The following NAV3 variants were observed in gnomAD, a reference collection of about 807,000 sequenced individuals.
The protein encoded by NAV3 is neuron navigator 3.
Under a neutral mutation model 244.7 loss-of-function variants are expected in NAV3, and 87 were observed. The ratio of observed to expected loss-of-function variants is 0.36; its 90% confidence interval spans 0.30 to 0.42. NAV3 has a LOEUF of 0.42. NAV3 is among the 20% of genes least tolerant of loss of function. The pLI, the probability that NAV3 is intolerant of heterozygous loss-of-function variation, is 1.00. For missense variants in NAV3, 2,663 were observed against 2,893.3 expected (o/e 0.92, Z 1.83); for synonymous variants, 1,126 against 1,042.2 (o/e 1.08, Z -1.55).
At chr12:77,770,853 G>A (rs1042200883) in intron 2 of NAV3, among the ~76,000 whole-genome samples, 5 of 152,120 alleles carry the variant, frequency 3.3e-5, no homozygotes, top group African/African-American at 1.2e-4. Flanking sequence ...ATAAGCATGG[G>A]CAAGGACTTC....
At chr12:77,815,285 G>T (rs1258543725) in intron 2 of NAV3, among the ~76,000 whole-genome samples, 1 of 152,274 alleles carries the variant, frequency 6.6e-6, no homozygotes, top group East Asian at 1.9e-4. Context: ...TGAAGCACAT[G>T]AGGGTCTGTC....
intron 5 of NAV3, among the ~76,000 whole-genome samples, chr12:77,972,063 A>G (rs1593160001): frequency 6.6e-6 from 1 of 152,218 alleles, no homozygotes; most frequent in East Asian, 1.9e-4. Context: ...AAAAAATAAA[A>G]CATGGACCAA....
chr12:77,803,735 C>T (rs145679885), intron 2 of NAV3, among the ~76,000 whole-genome samples: 3,419 of 152,248 alleles, frequency 0.022, 63 homozygotes, highest in Middle Eastern at 0.044. Context: ...CTAATTTACA[C>T]TCCCACCAAC....
intron 1 of NAV3, among the ~76,000 whole-genome samples, chr12:77,836,389 T>G (rs1592738379): frequency 6.6e-6 from 1 of 152,220 alleles, no homozygotes; most frequent in Non-Finnish European, 1.5e-5. Flanking sequence ...TTGGGCTCAC[T>G]CATTCCTTCC....
In NAV3 at chr12:77,978,099, T is replaced by C. The variant is rs565696774; in HGVS notation, c.671+9397T>C. Reference sequence around the variant, plus strand: ...AATCAGTTAAACTTGATTTTCTAGGTATAAAATAAAAACGTCATAATTGTC... The same window carrying C: ...AATCAGTTAAACTTGATTTTCTAGGCATAAAATAAAAACGTCATAATTGTC... On this transcript the variant is annotated intron_variant, in intron 5 of 39. Transcript: ENST00000397909. 2.3e-3 allele frequency among the ~76,000 whole-genome samples: 348 copies of C among 152,276 alleles called. 1 individual carries two copies. The highest frequency in any genetic ancestry group is 5.2e-3 in the South Asian group (25 of 4,830).
At chr12:77,588,641 G>T (rs1403762273) in intron 2 of NAV3, among the ~76,000 whole-genome samples, 3 of 152,018 alleles carry the variant, frequency 2.0e-5, no homozygotes, top group Non-Finnish European at 2.9e-5. Context: ...CCTAGCCTAG[G>T]GCCTAGTGCA....
chr12:77,766,442 A>G (rs927592577), intron 2 of NAV3, among the ~76,000 whole-genome samples: 4 of 152,198 alleles, frequency 2.6e-5, no homozygotes, highest in African/African-American at 9.7e-5. Flanking sequence ...TGGCTGGCCA[A>G]TTTTATTTCC....
intron 8 of NAV3, among the ~76,000 whole-genome samples, chr12:78,020,711 T>G (rs1877008947): frequency 6.6e-6 from 1 of 152,106 alleles, no homozygotes; most frequent in African/African-American, 2.4e-5. Context: ...AAATTTAGAT[T>G]AAAAGCAAAA....
intron 2 of NAV3, among the ~76,000 whole-genome samples, chr12:77,590,594 C>T (rs183216653): frequency 6.6e-6 from 1 of 152,190 alleles, no homozygotes; most frequent in East Asian, 1.9e-4. Context: ...TGAAGTAATC[C>T]GTACAACAAA....
intron 2 of NAV3, among the ~76,000 whole-genome samples, chr12:77,761,867 G>A (rs1438978146): frequency 2.0e-5 from 3 of 152,212 alleles, no homozygotes; most frequent in African/African-American, 7.2e-5. Context: ...AAGACAGGAT[G>A]GTGATTCCTC....
intron 2 of NAV3, among the ~76,000 whole-genome samples, chr12:77,576,187 T>C (rs779043491): frequency 2.0e-5 from 3 of 152,192 alleles, no homozygotes; most frequent in Admixed American, 6.5e-5. Context: ...GTGTTTGAGA[T>C]GTGAAGAGTT....
At chr12:77,956,942 C>A (rs1891421372) in intron 3 of NAV3, among the ~76,000 whole-genome samples, 1 of 152,010 alleles carries the variant, frequency 6.6e-6, no homozygotes, top group African/African-American at 2.4e-5. Context: ...AGGGTTTCAC[C>A]ATGTTGGCCA....
chr12:77,839,013 A>G (rs1875148467), intron 1 of NAV3, among the ~76,000 whole-genome samples: 1 of 152,174 alleles, frequency 6.6e-6, no homozygotes, highest in Non-Finnish European at 1.5e-5. Flanking sequence ...TCCCCAATGC[A>G]TCATTGGACC....
chr12:77,685,372 G>A (rs1021705984), intron 2 of NAV3, among the ~76,000 whole-genome samples: 8 of 151,870 alleles, frequency 5.3e-5, no homozygotes, highest in Admixed American at 6.6e-5. Flanking sequence ...ATCATATCAT[G>A]GTGAAGAACT....
chr12:78,092,816 A>G (rs1954032764), intron 12 of NAV3, among the ~76,000 whole-genome samples: 1 of 151,864 alleles, frequency 6.6e-6, no homozygotes, highest in Non-Finnish European at 1.5e-5. Context: ...ATTATTTTCT[A>G]AAGTGTTTCA....
chr12:78,076,833 C>G (rs1953076662), intron 12 of NAV3, among the ~76,000 whole-genome samples: 1 of 152,134 alleles, frequency 6.6e-6, no homozygotes, highest in Admixed American at 6.5e-5. Context: ...CCTGCTTTTA[C>G]TTGCTTAAGA....
At chr12:77,800,434 T>C (rs1321326764) in intron 2 of NAV3, among the ~76,000 whole-genome samples, 1 of 152,178 alleles carries the variant, frequency 6.6e-6, no homozygotes, top group East Asian at 1.9e-4. Context: ...GATTGTACAA[T>C]GGTTCAATGT....
At chr12:77,651,531 T>C (rs1872823655) in intron 2 of NAV3, among the ~76,000 whole-genome samples, 1 of 152,184 alleles carries the variant, frequency 6.6e-6, no homozygotes, top group South Asian at 2.1e-4. Context: ...CAAAACCTCT[T>C]AAACCTTGTA....
At chr12:77,893,276 A>T (rs751269031) in intron 1 of NAV3, among the ~76,000 whole-genome samples, 1 of 152,194 alleles carries the variant, frequency 6.6e-6, no homozygotes, top group Non-Finnish European at 1.5e-5. Flanking sequence ...CACAAAGTTT[A>T]TAGAGGGCAC....
Sources: allele counts gnomAD v4.1 joint callset (sites outside exome capture counted in the v4.1 genomes callset), GRCh38; gene constraint gnomAD v4.1.1; transcripts MANE v1.5; gene names NCBI Gene and HGNC (gene_info 2026-07-23, HGNC 2026-07-21).